The following VASH2 variants were observed in gnomAD, a reference collection of about 807,000 sequenced individuals.
VASH2 encodes vasohibin 2.
In VASH2, 28 loss-of-function variants were observed where a neutral mutation model predicts 37.2. The ratio of observed to expected loss-of-function variants is 0.75; its 90% CI spans 0.56 to 1.03. VASH2 has a LOEUF of 1.03. Among genes scored for constraint, VASH2 ranks in the 50% least tolerant of loss-of-function variants. The pLI, the probability that VASH2 is intolerant of heterozygous loss-of-function variation, is 0.00. For synonymous variants in VASH2, 188 were observed against 174.7 expected, an observed-to-expected ratio of 1.08 and a Z score of -0.60; for missense variants, 419 against 459.1, an observed-to-expected ratio of 0.91 and a Z score of 0.80.
chr1:212,989,803 T>C lies in VASH2; in HGVS notation c.*1219T>C, dbSNP rs1469879207. 1 of 152,164 alleles carries C rather than the reference T, an allele frequency of 6.6e-6. No individual in the cohort carries two copies. Among genetic ancestry groups the C allele is most frequent in the Non-Finnish European group, 1.5e-5 (1 of 68,024 alleles). 9.4% of individuals were successfully genotyped at this position (152,164 alleles called of 1,614,324 possible). On this transcript the variant is annotated 3_prime_UTR_variant, in exon 8 of 8. Coordinates refer to ENST00000517399, the MANE Select transcript of VASH2 (RefSeq NM_001301056.2). ...TGTAATTCAGTCCCTAAGCACAGAA[T>C]GAATGTCTGGCCTGCATATGGTAGT...
At chr1:212,954,580 C>G (rs1321587318) in intron 2 of VASH2, among the ~76,000 whole-genome samples, 1 of 152,036 alleles carries the variant, frequency 6.6e-6, no homozygotes, top group African/African-American at 2.4e-5. Flanking sequence ...GTCACCATGC[C>G]CAGCTATTTT....
Position 212,972,583 on chromosome 1 carries a change from C to G in VASH2, c.501C>G (p.Tyr167Ter), listed in dbSNP as rs1222932493. The G allele has an allele frequency of 3.1e-6, 5 of 1,612,732 alleles. No individual in the cohort carries two copies. Among genetic ancestry groups the G allele is most frequent in the South Asian group, 1.1e-5 (1 of 90,882 alleles). Residue 167 changes from tyrosine to a stop codon, truncating the protein, a stop_gained, in exon 6 of 8, where the codon TAC becomes TAG. Coordinates refer to ENST00000517399, the MANE Select transcript of VASH2 (RefSeq NM_001301056.2). LOFTEE classifies it high-confidence loss of function. The part of the protein sequence containing the change: ...KCLEAVILGI[Y>*]LTNGQPSIER... ...TCCTTGACTCAGATTGTCTAAGCTA[C>G]TTAACCAATGGGCAGCCTTCCATTG...
intron 7 of VASH2, among the ~76,000 whole-genome samples, chr1:212,985,991 AAAG>A (rs1667466175): frequency 6.6e-6 from 1 of 152,190 alleles, no homozygotes; most frequent in Non-Finnish European, 1.5e-5. Flanking sequence ...GTTTTATACT[AAAG>A]AAGGGAAGAA....
Position 212,967,489 on chromosome 1 carries a change from A to G in VASH2, c.497+1144A>G, listed in dbSNP as rs77531820. On this transcript the variant is annotated intron_variant, in intron 5 of 7. Coordinates refer to ENST00000517399, the MANE Select transcript of VASH2 (RefSeq NM_001301056.2). ...AGGAGCTTGAGAGATGGTCCCAGGC[A>G]AGATCAGTTAGGTCCTTGAGCGCTG... The G allele has an allele frequency of 1.1e-4, 129 of 1,140,382 alleles. No individual in the cohort carries two copies. The East Asian group carries it at 7.0e-3, about 62-fold the overall frequency. The allele number at this position is 1,140,382 out of a possible 1,614,324, so 70.6% of individuals were successfully genotyped here.
At chr1:212,985,198 C>CTTTTTTTTTTTT (rs55804989) in intron 7 of VASH2, among the ~76,000 whole-genome samples, 6 of 100,832 alleles carry the variant, frequency 6.0e-5, no homozygotes, top group Admixed American at 1.1e-4. Context: ...ATTTTTTTTG[C>CTTTTTTTTTTTT]TTTTTTTTTT....
At chr1:212,956,864 G>GAT (rs781419071) in intron 2 of VASH2, among the ~76,000 whole-genome samples, 11 of 152,226 alleles carry the variant, frequency 7.2e-5, no homozygotes, top group African/African-American at 1.2e-4. Context: ...TGGAGAGAGA[G>GAT]ATATATATAT....
intron 7 of VASH2, among the ~76,000 whole-genome samples, chr1:212,987,569 C>G (rs750446864): frequency 6.6e-5 from 10 of 152,012 alleles, no homozygotes; most frequent in Admixed American, 6.6e-4. Context: ...GGCGAAACTC[C>G]GTCTCAAAAA....
At chr1:212,978,611 C>A (rs542063151) in intron 7 of VASH2, among the ~76,000 whole-genome samples, 1 of 152,340 alleles carries the variant, frequency 6.6e-6, no homozygotes, top group South Asian at 2.1e-4. Context: ...CTGACTCACG[C>A]CCCTGCCCTC....
At chr1:212,965,468 C>T (rs1666812978) in intron 3 of VASH2, among the ~76,000 whole-genome samples, 1 of 152,158 alleles carries the variant, frequency 6.6e-6, no homozygotes, top group African/African-American at 2.4e-5. Flanking sequence ...TAGTCAACTA[C>T]CCGGAATACA....
intron 7 of VASH2, among the ~76,000 whole-genome samples, chr1:212,985,793 A>C (rs1430634929): frequency 6.6e-6 from 1 of 152,178 alleles, no homozygotes; most frequent in Non-Finnish European, 1.5e-5. Flanking sequence ...AGGAAAGAAA[A>C]AGATGAAGGG....
chr1:212,975,869 A>T (rs11808834), intron 7 of VASH2, among the ~76,000 whole-genome samples: 3,853 of 152,314 alleles, frequency 0.025, 144 homozygotes, highest in African/African-American at 0.087. Context: ...TGAAGGCCCA[A>T]GCATTCCACC....
At chr1:212,988,164 T>C (rs548678427) in intron 7 of VASH2, among the ~76,000 whole-genome samples, 9 of 152,340 alleles carry the variant, frequency 5.9e-5, no homozygotes, top group African/African-American at 2.2e-4. Flanking sequence ...TTCTTGGCTC[T>C]ACTGTAGTGT....
At chr1:212,957,033 C>G (rs1271395696) in intron 2 of VASH2, among the ~76,000 whole-genome samples, 2 of 152,192 alleles carry the variant, frequency 1.3e-5, no homozygotes, top group African/African-American at 2.4e-5. Context: ...CCATTTCCCT[C>G]TCTCCCCAGC....
In VASH2 at chr1:212,971,114, A is replaced by C. The variant is rs1206129601; in HGVS notation, c.498-1466A>C. Among the ~76,000 whole-genome samples the C allele has an allele frequency of 6.6e-6, 1 of 152,218 alleles. No individual in the cohort carries two copies. Among genetic ancestry groups the C allele is most frequent in the African/African-American group, 2.4e-5 (1 of 41,450 alleles). On this transcript the variant is annotated intron_variant, in intron 5 of 7. Transcript: ENST00000517399. This position sits in a 1 kb window ranked among gnomAD's most constrained non-coding sequence, Gnocchi z 4.0. The stretch of plus-strand genomic sequence containing the variant: ...AGCATGTCTTCAAGGCTCATTCTGC[A>C]CATTGCAGAATTTCCCTCCCTTATG...
chr1:212,983,967 C>T (rs1029907274), intron 7 of VASH2, among the ~76,000 whole-genome samples: 2 of 152,196 alleles, frequency 1.3e-5, no homozygotes, highest in African/African-American at 4.8e-5. Context: ...CTTTCAGTAC[C>T]TCCATTATCT....
intron 2 of VASH2, among the ~76,000 whole-genome samples, chr1:212,956,378 A>G (rs1042840217): frequency 2.0e-4 from 30 of 152,156 alleles, no homozygotes; most frequent in Admixed American, 8.5e-4. Flanking sequence ...AAACAGGCAC[A>G]GTGCCTGTGT....
At chr1:212,967,337 G>A in intron 5 of VASH2, 2 of 1,227,146 alleles carry the variant, frequency 1.6e-6, no homozygotes, top group East Asian at 5.7e-5. Context: ...CTTTGAAATT[G>A]TGGGGATAGA....
intron 2 of VASH2, among the ~76,000 whole-genome samples, chr1:212,953,725 T>A (rs1163344203): frequency 1.3e-5 from 2 of 152,182 alleles, no homozygotes; most frequent in African/African-American, 4.8e-5. Flanking sequence ...TTGTAAGTTC[T>A]TTCCAGCTCT....
At chr1:212,976,908 C>G (rs972832098) in intron 7 of VASH2, among the ~76,000 whole-genome samples, 1 of 152,174 alleles carries the variant, frequency 6.6e-6, no homozygotes, top group African/African-American at 2.4e-5. Context: ...TCGCGCATGT[C>G]CCGGAGTCGA....
Sources: gnomAD v4.1 joint callset for allele counts (sites outside exome capture counted in the v4.1 genomes callset) on GRCh38, gnomAD v4.1.1 for gene constraint, Gnocchi (gnomAD v3.1) non-coding constraint, MANE v1.5 for transcripts, NCBI Gene and HGNC (gene_info 2026-07-23, HGNC 2026-07-21) for gene names.